The following RUNX3 variants were observed in gnomAD, a reference collection of about 807,000 sequenced individuals.
RUNX3 encodes RUNX family transcription factor 3.
A neutral mutation model predicts 27.7 loss-of-function variants in RUNX3; 10 were observed. That is an observed-to-expected ratio of 0.36 (90% CI 0.22 to 0.61). The LOEUF (loss-of-function observed/expected upper bound fraction) is 0.61, where lower values mean the gene tolerates loss of function less well. RUNX3 is among the 20% of genes least tolerant of loss of function. The probability of loss-of-function intolerance (pLI) is 0.72; values close to 1 mark genes in which losing one functional copy is unlikely to be tolerated. For synonymous variants in RUNX3, 270 were observed against 269.2 expected, an observed-to-expected ratio of 1.00 and a Z score of -0.03; for missense variants, 469 against 629.5, an observed-to-expected ratio of 0.75 and a Z score of 2.73.
intron 3 of RUNX3, among the ~76,000 whole-genome samples, chr1:24,910,055 C>T (rs1474618132): frequency 1.3e-5 from 2 of 152,142 alleles, no homozygotes; most frequent in South Asian, 4.1e-4. Context: ...GAAGCCGAGG[C>T]GGGCGGATCA....
At position 24,943,195 on chromosome 1, in the gene RUNX3, G is replaced by A. The variant is rs1391051758; in HGVS notation, c.59-13343C>T. Among the ~76,000 whole-genome samples, 3 of 152,248 alleles carry A rather than the reference G, an allele frequency of 2.0e-5. No individual in the cohort carries two copies. The highest frequency in any genetic ancestry group is 4.4e-5 in the Non-Finnish European group (3 of 68,030). ...ACACCCTGAGGGAATGACTTTTCAT[G>A]TGGTTGTGGGGCAGGCATGCCACCC... On this transcript the variant is annotated intron_variant, in intron 2 of 6. Coordinates refer to the RUNX3 transcript ENST00000338888. The surrounding 1 kb of genome is among the most constrained non-coding windows in gnomAD (Gnocchi z 4.6).
Position 24,943,127 on chromosome 1 carries a change from G to T in RUNX3, c.59-13275C>A, listed in dbSNP as rs1007382749. 6.6e-6 allele frequency among the ~76,000 whole-genome samples: 1 copy of T among 152,260 alleles called. No individual in the cohort carries two copies. The highest frequency in any genetic ancestry group is 2.1e-4 in the South Asian group (1 of 4,836). Reference sequence around the variant, plus strand: ...TTGCCCGGTGTTCCAGCCACCAGGCGGGACCAGCGCCGGGCAGACTGCCGG... The same window carrying T: ...TTGCCCGGTGTTCCAGCCACCAGGCTGGACCAGCGCCGGGCAGACTGCCGG... On this transcript the variant is annotated intron_variant, in intron 2 of 6. Coordinates refer to the RUNX3 transcript ENST00000338888. This position sits in a 1 kb window ranked among gnomAD's most constrained non-coding sequence, Gnocchi z 4.6.
intron 2 of RUNX3, among the ~76,000 whole-genome samples, chr1:24,956,607 CAG>C (rs1175233563): frequency 1.3e-5 from 2 of 152,158 alleles, no homozygotes; most frequent in African/African-American, 4.8e-5. Flanking sequence ...TCCCGAGACA[CAG>C]GGGTGCGAAG....
At position 24,943,482 on chromosome 1, in the gene RUNX3, G is replaced by C. The variant is rs770055103; in HGVS notation, c.59-13630C>G. Among the ~76,000 whole-genome samples the C allele has an allele frequency of 6.6e-6, 1 of 152,190 alleles. No individual in the cohort carries two copies. The highest frequency in any genetic ancestry group is 1.5e-5 in the Non-Finnish European group (1 of 68,024). On this transcript the variant is annotated intron_variant, in intron 2 of 6. Coordinates refer to the RUNX3 transcript ENST00000338888. The surrounding 1 kb of genome is among the most constrained non-coding windows in gnomAD (Gnocchi z 4.6). ...GCTCCATCCTAAGAGGGGGTTCTGT[G>C]ATCATCCCCACTTACAGTTGGGGAA...
Position 24,929,944 on chromosome 1 carries a change from T to A in RUNX3, c.-76A>T. 1.6e-6 allele frequency: 2 copies of A among 1,212,286 alleles called. No homozygotes were observed. The highest frequency in any genetic ancestry group is 2.0e-6 in the Non-Finnish European group (2 of 977,486). The allele number at this position is 1,212,286 out of a possible 1,614,324, so 75.1% of individuals were successfully genotyped here. A position where few individuals can be genotyped will look rare whatever the true frequency, so the allele number is the denominator to read the frequency against. On this transcript the variant is annotated 5_prime_UTR_variant, in exon 1 of 5. Coordinates refer to ENST00000308873, the MANE Select transcript of RUNX3 (RefSeq NM_004350.3). ...GGGGGCGGCCGGCGCGGGCGCCTCC[T>A]CGGCCGCCGCTGCCGCGAGAAGCGG...
Position 24,901,040 on chromosome 1 carries a change from T to TTTTG in RUNX3, c.*1081_*1082insCAAA, listed in dbSNP as rs1640536698. On this transcript the variant is annotated 3_prime_UTR_variant, in exon 5 of 5. Coordinates refer to ENST00000308873, the MANE Select transcript of RUNX3 (RefSeq NM_004350.3). ...TTGTTTTTTTTTTGTTTTTTTGTTT[T>TTTTG]TTTTTTTTTTTTGCTCAGGACTATT... is the stretch of plus-strand genomic sequence containing the variant. 1 of 144,506 alleles carries TTTTG rather than the reference T, an allele frequency of 6.9e-6. No individual in the cohort carries two copies. Among genetic ancestry groups the TTTTG allele is most frequent in the African/African-American group, 2.8e-5 (1 of 36,042 alleles). The allele number at this position is 144,506 out of a possible 1,614,324, so 9.0% of individuals were successfully genotyped here.
intron 1 of RUNX3, chr1:24,928,801 C>T: frequency 3.0e-6 from 1 of 338,510 alleles, no homozygotes; most frequent in South Asian, 2.2e-5. Flanking sequence ...GGAGCAGGGA[C>T]GGCCTCAGCT....
chr1:24,940,021 A>G (rs913857004), intron 2 of RUNX3, among the ~76,000 whole-genome samples: 1 of 152,246 alleles, frequency 6.6e-6, no homozygotes, highest in African/African-American at 2.4e-5. Flanking sequence ...ACCATGTCAC[A>G]TGATGAACTA....
chr1:24,920,409 G>A lies in RUNX3; in HGVS notation c.440-1065C>T, dbSNP rs148304118. Among the ~76,000 whole-genome samples, 487 of 152,190 alleles carry A rather than the reference G, an allele frequency of 3.2e-3. 2 individuals carry two copies. Among genetic ancestry groups the A allele is most frequent in the African/African-American group, 0.011 (459 of 41,510 alleles). ...GATGACTCTCCGGAGAGATTTAGTC[G>A]TCACCCTCGCGTGTGAGGCTGCGTC... is the stretch of plus-strand genomic sequence containing the variant. On this transcript the variant is annotated intron_variant, in intron 2 of 4. Transcript: ENST00000308873.
intron 3 of RUNX3, among the ~76,000 whole-genome samples, chr1:24,914,933 C>T (rs1007560468): frequency 6.6e-6 from 1 of 152,232 alleles, no homozygotes; most frequent in Non-Finnish European, 1.5e-5. Flanking sequence ...TGTTCCATCC[C>T]TTGCACGCTC....
At position 24,901,857 on chromosome 1, in the gene RUNX3, C is replaced by T. The variant is rs1292518304; in HGVS notation, c.*265G>A. 14 of 460,458 alleles carry T rather than the reference C, an allele frequency of 3.0e-5. No individual in the cohort carries two copies. Among genetic ancestry groups the T allele is most frequent in the African/African-American group, 3.9e-5 (2 of 50,734 alleles). 28.5% of individuals were successfully genotyped at this position (460,458 alleles called of 1,614,324 possible). A position where few individuals can be genotyped will look rare whatever the true frequency, so the allele number is the denominator to read the frequency against. On this transcript the variant is annotated 3_prime_UTR_variant, in exon 5 of 5. Transcript: ENST00000308873. ...CCGGGGGGGTGGCAGGAGGCTGATT[C>T]CCCACAGAAGTATGGGATGAGACGG... is the stretch of plus-strand genomic sequence containing the variant.
chr1:24,939,959 G>A (rs1641438484), intron 2 of RUNX3, among the ~76,000 whole-genome samples: 1 of 152,222 alleles, frequency 6.6e-6, no homozygotes, highest in Non-Finnish European at 1.5e-5. Context: ...AGCCCCCTCT[G>A]TTAGGGCCAT....
Position 24,902,864 on chromosome 1 carries a change from T to C in RUNX3, c.704-198A>G, listed in dbSNP as rs1000174179. On this transcript the variant is annotated intron_variant, in intron 4 of 4. Coordinates refer to ENST00000308873, the MANE Select transcript of RUNX3 (RefSeq NM_004350.3). This position sits in a 1 kb window ranked among gnomAD's most constrained non-coding sequence, Gnocchi z 9.2. Reference sequence around the variant, plus strand: ...GAACACAGACCTGCCGGGAAGCTGGTTGGAGCGTGCCCCGGGCCAAGAGGG... The same window carrying C: ...GAACACAGACCTGCCGGGAAGCTGGCTGGAGCGTGCCCCGGGCCAAGAGGG... 1.3e-5 allele frequency among the ~76,000 whole-genome samples: 2 copies of C among 152,064 alleles called. No individual in the cohort carries two copies. The highest frequency in any genetic ancestry group is 2.9e-5 in the Non-Finnish European group (2 of 67,956).
Position 24,929,933 on chromosome 1 carries a change from C to T in RUNX3, c.-65G>A. ...CGGCTTCCCCCGGGGGCGGCCGGCG[C>T]GGGCGCCTCCTCGGCCGCCGCTGCC... On this transcript the variant is annotated 5_prime_UTR_variant, in exon 1 of 5. Coordinates refer to ENST00000308873, the MANE Select transcript of RUNX3 (RefSeq NM_004350.3). 2 of 1,219,988 alleles carry T rather than the reference C, an allele frequency of 1.6e-6. No individual in the cohort carries two copies. Among genetic ancestry groups the T allele is most frequent in the East Asian group, 6.8e-5 (2 of 29,560 alleles). 75.6% of individuals were successfully genotyped at this position (1,219,988 alleles called of 1,614,324 possible). A position where few individuals can be genotyped will look rare whatever the true frequency, so the allele number is the denominator to read the frequency against.
intron 3 of RUNX3, among the ~76,000 whole-genome samples, chr1:24,914,269 A>T (rs1262380503): frequency 1.3e-5 from 2 of 152,214 alleles, no homozygotes; most frequent in Non-Finnish European, 2.9e-5. Context: ...TCCAATGACC[A>T]GGCCCGTCAC....
chr1:24,964,887 A>G, exon 1 of RUNX3: 1 of 476,846 alleles, frequency 2.1e-6, no homozygotes, highest in East Asian at 4.7e-5. Flanking sequence ...CAAATTCTCA[A>G]CAGAAGCGTA....
chr1:24,940,765 C>T (rs1406205726), intron 2 of RUNX3, among the ~76,000 whole-genome samples: 1 of 151,828 alleles, frequency 6.6e-6, no homozygotes, highest in Non-Finnish European at 1.5e-5. Context: ...AGAGTGGTCC[C>T]CACCACTTGC....
chr1:24,922,049 C>T (rs1253615288), intron 2 of RUNX3, among the ~76,000 whole-genome samples: 2 of 152,198 alleles, frequency 1.3e-5, no homozygotes, highest in Non-Finnish European at 2.9e-5. Flanking sequence ...CTCCCGGGCT[C>T]AAGTGATCCT....
Position 24,900,374 on chromosome 1 carries a change from T to C in RUNX3, c.*1748A>G, listed in dbSNP as rs529829218. On this transcript the variant is annotated 3_prime_UTR_variant, in exon 5 of 5. Transcript: ENST00000308873. ...ACAGTGCTCTCACAGAGACAACCAA[T>C]GAAGAGCATTTTGTAGGGCAGATTT... 2.6e-5 allele frequency: 4 copies of C among 152,440 alleles called. No individual in the cohort carries two copies. In the East Asian group the frequency reaches 5.6e-4, roughly 22 times the overall value. 9.4% of individuals were successfully genotyped at this position (152,440 alleles called of 1,614,324 possible).
Sources: allele counts gnomAD v4.1 joint callset (sites outside exome capture counted in the v4.1 genomes callset), GRCh38; gene constraint gnomAD v4.1.1; non-coding constraint Gnocchi (gnomAD v3.1); transcripts MANE v1.5; gene names NCBI Gene and HGNC (gene_info 2026-07-23, HGNC 2026-07-21).